The following TENM2 variants were observed in gnomAD, a reference collection of about 807,000 sequenced individuals.
The protein encoded by TENM2 is teneurin transmembrane protein 2.
Under a neutral mutation model 245.2 loss-of-function variants are expected in TENM2, and 52 were observed. The observed-to-expected ratio is 0.21, with a 90% CI of 0.17 to 0.27. TENM2 has a LOEUF of 0.27. TENM2 is among the 10% of genes least tolerant of loss of function. TENM2 has a pLI of 1.00. For synonymous variants in TENM2, 1,363 were observed against 1,438.9 expected (o/e 0.95, Z 1.19); for missense variants, 3,046 against 3,666.8 (o/e 0.83, Z 4.37).
At chr5:167,918,173 G>T (rs575226464) in intron 3 of TENM2, among the ~76,000 whole-genome samples, 7 of 152,102 alleles carry the variant, frequency 4.6e-5, no homozygotes, top group Admixed American at 2.6e-4. Flanking sequence ...AGATCATGAC[G>T]GGTTTATTTA....
Position 168,247,493 on chromosome 5 carries a change from T to C in TENM2, c.6554T>C (p.Val2185Ala). Residue 2185 changes from valine to alanine, a missense_variant, in exon 27 of 29, where the codon GTG becomes GCG. Physicochemically the swap from Val to Ala is moderately conservative, Grantham distance 64. Around this residue, in one of 2 missense-constraint regions of TENM2, gnomAD observed 2,704 missense variants for 3,331.9 expected, o/e 0.81. Transcript: ENST00000518659. This position sits in a 1 kb window ranked among gnomAD's most constrained non-coding sequence, Gnocchi z 7.8. ...GTGCAATATGACAGCATGGGCAGGGTGATCAAGAGGGAGCTAAAACTGGGG... is the reference window on the plus strand; with the variant it reads ...GTGCAATATGACAGCATGGGCAGGGCGATCAAGAGGGAGCTAAAACTGGGG... 2.5e-6 allele frequency: 4 copies of C among 1,612,302 alleles called. No individual in the cohort carries two copies. Among genetic ancestry groups the C allele is most frequent in the Non-Finnish European group, 3.4e-6 (4 of 1,178,792 alleles).
chr5:167,614,315 T>G (rs2127755998), intron 2 of TENM2, among the ~76,000 whole-genome samples: 1 of 152,264 alleles, frequency 6.6e-6, no homozygotes, highest in Non-Finnish European at 1.5e-5. Context: ...TGGATTATTT[T>G]GTCACCCTAA....
intron 2 of TENM2, among the ~76,000 whole-genome samples, chr5:167,510,956 A>G (rs1393300036): frequency 6.6e-6 from 1 of 151,912 alleles, no homozygotes; most frequent in African/African-American, 2.4e-5. Context: ...AAAATAAAAG[A>G]AAGAGAGAGA....
At chr5:167,599,696 A>G (rs1486642002) in intron 2 of TENM2, among the ~76,000 whole-genome samples, 4 of 151,838 alleles carry the variant, frequency 2.6e-5, no homozygotes, top group Non-Finnish European at 4.4e-5. Context: ...GGGTTTTTTT[A>G]TTTGTTTATT....
At chr5:167,309,728 G>A (rs1755903998) in intron 1 of TENM2, 2 of 152,172 alleles carry the variant, frequency 1.3e-5, no homozygotes, top group African/African-American at 4.8e-5. Flanking sequence ...ATGCTAAGAA[G>A]GTAGTCCATG....
the TENM2 span, among the ~76,000 whole-genome samples, chr5:167,069,928 A>C: frequency 6.6e-6 from 1 of 152,264 alleles, no homozygotes; most frequent in East Asian, 1.9e-4. Context: ...TCATTTAATT[A>C]ATAAGGTATT....
At chr5:167,412,730 T>G (rs1051282584) in intron 2 of TENM2, among the ~76,000 whole-genome samples, 4 of 152,142 alleles carry the variant, frequency 2.6e-5, no homozygotes, top group African/African-American at 9.7e-5. Context: ...TAAAGGCTGC[T>G]AAATCCAAAT....
chr5:168,062,917 C>A (rs1367873018), intron 7 of TENM2, among the ~76,000 whole-genome samples: 8 of 152,066 alleles, frequency 5.3e-5, no homozygotes, highest in Admixed American at 3.3e-4. Context: ...ATAGTAATGG[C>A]CTGAAATGAG....
the TENM2 span, among the ~76,000 whole-genome samples, chr5:167,080,182 G>T: frequency 6.6e-6 from 1 of 152,118 alleles, no homozygotes; most frequent in East Asian, 1.9e-4. Context: ...TAAAATATTG[G>T]TCTTCTCTTT....
At position 167,951,556 on chromosome 5, in the gene TENM2, G is replaced by A. The variant is rs536288725; in HGVS notation, c.713-1032G>A. ...GTCAGAGACAGCGATATCTACAAGG[G>A]GATATTTTCCAAGGGAGAGCTCTCC... On this transcript the variant is annotated intron_variant, in intron 3 of 28. Coordinates refer to ENST00000518659, the Ensembl canonical transcript of TENM2. Among the ~76,000 whole-genome samples the A allele has an allele frequency of 2.6e-5, 4 of 152,194 alleles. No individual in the cohort carries two copies. The South Asian group carries it at 8.3e-4, about 32-fold the overall frequency.
Position 168,015,569 on chromosome 5 carries a change from G to A in TENM2, c.1186+22387G>A, listed in dbSNP as rs79826214. Among the ~76,000 whole-genome samples the A allele has an allele frequency of 2.9e-3, 442 of 152,334 alleles. 5 individuals are homozygous for A. Among genetic ancestry groups the A allele is most frequent in the African/African-American group, 9.9e-3 (411 of 41,580 alleles). On this transcript the variant is annotated intron_variant, in intron 5 of 28. Coordinates refer to ENST00000518659, the Ensembl canonical transcript of TENM2. ...CTAAGGCACTTATTCCATGTGCTGC[G>A]CCTCAAGGAGAAGTCTGTTTAGTTT...
At chr5:168,201,470 C>T (rs1761936218) in intron 17 of TENM2, among the ~76,000 whole-genome samples, 1 of 152,004 alleles carries the variant, frequency 6.6e-6, no homozygotes, top group Non-Finnish European at 1.5e-5. Context: ...ATGATGAGGC[C>T]TGTTTTTCCA....
At chr5:168,034,418 G>GT in intron 5 of TENM2, among the ~76,000 whole-genome samples, 1 of 151,270 alleles carries the variant, frequency 6.6e-6, no homozygotes, top group African/African-American at 2.4e-5. Flanking sequence ...CATAAACTCT[G>GT]TAAGTGGTGT....
At chr5:167,446,636 T>C (rs1366061491) in intron 2 of TENM2, among the ~76,000 whole-genome samples, 1 of 152,178 alleles carries the variant, frequency 6.6e-6, no homozygotes, top group Non-Finnish European at 1.5e-5. Context: ...CATATTTTGT[T>C]ATGAATACCT....
chr5:168,210,612 CT>C (rs34472788), intron 19 of TENM2, among the ~76,000 whole-genome samples: 47,576 of 142,868 alleles, frequency 0.33, 9,845 homozygotes, highest in East Asian at 0.61. Flanking sequence ...ATTTAATTAA[CT>C]TTTTTTTTTT....
At chr5:168,158,721 AG>A (rs914874877) in intron 12 of TENM2, among the ~76,000 whole-genome samples, 37 of 149,242 alleles carry the variant, frequency 2.5e-4, no homozygotes, top group African/African-American at 8.7e-4. Flanking sequence ...GCACTTTGGG[AG>A]GCCAAGGCAG....
chr5:167,152,761 C>T, the TENM2 span, among the ~76,000 whole-genome samples: 2 of 152,084 alleles, frequency 1.3e-5, no homozygotes, highest in Non-Finnish European at 1.5e-5. Flanking sequence ...ATTCGCTGGA[C>T]AAGAGGATGA....
intron 5 of TENM2, among the ~76,000 whole-genome samples, chr5:168,036,642 AAATAT>A (rs1166931097): frequency 0.014 from 1,540 of 107,996 alleles, 71 homozygotes; most frequent in African/African-American, 0.057. Flanking sequence ...ATCAAAAAAA[AAATAT>A]ATATATATAT....
chr5:167,660,702 T>C lies in TENM2; in HGVS notation c.503-215284T>C, dbSNP rs201174098. On this transcript the variant is annotated intron_variant, in intron 2 of 28. Transcript: ENST00000518659. ...ATTTTTTAAAGTCTAACACCTTGCA[T>C]TGGCACTTGTATTTCTGGAAATGCA... Among the ~76,000 whole-genome samples the C allele has an allele frequency of 6.6e-4, 100 of 152,222 alleles. No homozygotes were observed. The East Asian group carries it at 0.015, about 24-fold the overall frequency.
Sources: gnomAD v4.1 joint callset for allele counts (sites outside exome capture counted in the v4.1 genomes callset) on GRCh38, gnomAD v4.1.1 for gene constraint, gnomAD v4.1.1 regional missense constraint, Gnocchi (gnomAD v3.1) non-coding constraint, MANE v1.5 for transcripts, NCBI Gene and HGNC (gene_info 2026-07-23, HGNC 2026-07-21) for gene names.